Variants in CDC42 observed in about 807,000 individuals in gnomAD.
CDC42 encodes the protein cell division cycle 42.
CDC42 carries 1 observed loss-of-function variant against 20.8 expected under a neutral mutation model. The ratio of observed to expected loss-of-function variants is 0.05; its 90% CI spans 0.02 to 0.23. The LOEUF (loss-of-function observed/expected upper bound fraction) is 0.23. CDC42 is among the 10% of genes least tolerant of loss of function. CDC42 has a pLI of 1.00. For missense variants in CDC42, 49 were observed against 227.9 expected (o/e 0.21, Z 5.05); for synonymous variants, 72 against 84.8 (o/e 0.85, Z 0.83).
At chr1:22,077,221 G>A (rs16826458) in intron 1 of CDC42, among the ~76,000 whole-genome samples, 4,438 of 152,170 alleles carry the variant, frequency 0.029, 105 homozygotes, top group African/African-American at 0.062. Context: ...TTTCATGTGA[G>A]TTACTCACAC....
At chr1:22,076,745 G>T (rs1392956999) in intron 1 of CDC42, among the ~76,000 whole-genome samples, 1 of 152,116 alleles carries the variant, frequency 6.6e-6, no homozygotes, top group Non-Finnish European at 1.5e-5. Context: ...TAGGGATCAG[G>T]GTTGTTAATC....
intron 5 of CDC42, 56 bp from the exon 6 acceptor site, chr1:22,091,372 C>T: frequency 8.7e-7 from 1 of 1,149,158 alleles, no homozygotes; most frequent in Non-Finnish European, 1.3e-6. Context: ...ATTTGAACTC[C>T]AACTTTATTA....
At chr1:22,089,797 G>A in intron 5 of CDC42, 2 of 761,356 alleles carry the variant, frequency 2.6e-6, no homozygotes, top group Non-Finnish European at 4.0e-6. Flanking sequence ...GTTATAATGG[G>A]CTTAAGATCT....
intron 3 of CDC42, among the ~76,000 whole-genome samples, chr1:22,082,875 A>ATTTTTTTTTTTTTTTTTTTTTTT (rs3036839): frequency 1.3e-4 from 18 of 140,212 alleles, no homozygotes; most frequent in Non-Finnish European, 1.1e-4. Context: ...CACAGAGAAA[A>ATTTTTTTTTTTTTTTTTTTTTTT]TTTTTATTTT....
chr1:22,091,169 A>G (rs1298172534), intron 5 of CDC42, among the ~76,000 whole-genome samples: 1 of 152,196 alleles, frequency 6.6e-6, no homozygotes, highest in Non-Finnish European at 1.5e-5. Flanking sequence ...TTCTTGTGAC[A>G]TACATTGGTC....
chr1:22,061,528 C>T (rs1449684200), intron 1 of CDC42, among the ~76,000 whole-genome samples: 6 of 86,300 alleles, frequency 7.0e-5, no homozygotes, highest in Admixed American at 1.4e-4. Flanking sequence ...CTTCATGTTT[C>T]TTTCTTTTTT....
rs1645779845 is a variant in CDC42, at chr1:22,099,983, T to C, written c.*8466T>C. Reference sequence around the variant, plus strand: ...GATTTGAATTTAAGCAGTCTGTCTCTAGAGTCTGCTCAGCTGGCCTTTTTT... The same window carrying C: ...GATTTGAATTTAAGCAGTCTGTCTCCAGAGTCTGCTCAGCTGGCCTTTTTT... On this transcript the variant is annotated 3_prime_UTR_variant, in exon 6 of 6. Coordinates refer to ENST00000656825, the MANE Select transcript of CDC42 (RefSeq NM_001791.4). Among the ~76,000 whole-genome samples the C allele has an allele frequency of 6.6e-6, 1 of 151,988 alleles. No individual in the cohort carries two copies. The highest frequency in any genetic ancestry group is 1.5e-5 in the Non-Finnish European group (1 of 67,998).
chr1:22,053,724 CA>C (rs1172356209), intron 1 of CDC42, among the ~76,000 whole-genome samples: 1 of 152,180 alleles, frequency 6.6e-6, no homozygotes, highest in Non-Finnish European at 1.5e-5. Context: ...GTCGGTCACC[CA>C]GTGGCTTATC....
chr1:22,091,791 G>GTTTTTTTTTTTTTTTTTTTTTT lies in CDC42; in HGVS notation c.*275_*276insTTTTTTTTTTTTTTTTTTTTTT, dbSNP rs150558595. The GTTTTTTTTTTTTTTTTTTTTTT allele has an allele frequency of 1.3e-5, 1 of 77,876 alleles. No individual in the cohort carries two copies. Among genetic ancestry groups the GTTTTTTTTTTTTTTTTTTTTTT allele is most frequent in the Non-Finnish European group, 2.2e-5 (1 of 45,188 alleles). The allele number at this position is 77,876 out of a possible 1,614,324, so 4.8% of individuals were successfully genotyped here. On this transcript the variant is annotated 3_prime_UTR_variant, in exon 6 of 6. Transcript: ENST00000656825. ...TCAAAAAAAAAATTTTTGTGTGTGTGTGTTTTTTTTTTTTTTTTTTTTGTT... is the reference window on the plus strand; with the variant it reads ...TCAAAAAAAAAATTTTTGTGTGTGTGTTTTTTTTTTTTTTTTTTTTTTTGTTTTTTTTTTTTTTTTTTTTGTT...
At chr1:22,054,710 C>T (rs963113658) in intron 1 of CDC42, among the ~76,000 whole-genome samples, 1 of 151,550 alleles carries the variant, frequency 6.6e-6, no homozygotes, top group Non-Finnish European at 1.5e-5. Context: ...GCATTACAGA[C>T]CATTGGATAG....
Position 22,090,091 on chromosome 1 carries a change from G to A in CDC42, c.487-1337G>A, listed in dbSNP as rs555165468. The stretch of plus-strand genomic sequence containing the variant: ...CCTGTCCCACTACTGTAGAAAGATC[G>A]TTTAAAAACAAAGGAATAAAACCAT... On this transcript the variant is annotated intron_variant, in intron 5 of 5. Coordinates refer to ENST00000656825, the MANE Select transcript of CDC42 (RefSeq NM_001791.4). 24 of 1,583,320 alleles carry A rather than the reference G, an allele frequency of 1.5e-5. 1 individual carries two copies. The highest frequency in any genetic ancestry group is 1.7e-4 in the Middle Eastern group (1 of 5,994).
intron 3 of CDC42, among the ~76,000 whole-genome samples, chr1:22,084,861 T>C (rs1053841886): frequency 2.6e-5 from 4 of 152,136 alleles, no homozygotes; most frequent in African/African-American, 9.7e-5. Context: ...CTTTTGCTTG[T>C]GAATATGTCA....
At chr1:22,079,139 C>CTT (rs10609742) in intron 2 of CDC42, among the ~76,000 whole-genome samples, 5 of 116,730 alleles carry the variant, frequency 4.3e-5, no homozygotes, top group Admixed American at 8.9e-5. Flanking sequence ...TTCTTTTTTT[C>CTT]TTTTTTTTTT....
At chr1:22,087,774 C>A (rs1645675587) in intron 5 of CDC42, among the ~76,000 whole-genome samples, 1 of 151,976 alleles carries the variant, frequency 6.6e-6, no homozygotes, top group Non-Finnish European at 1.5e-5. Context: ...TCAGGTAATT[C>A]ATTCATTTTT....
rs1468150689 is a variant in CDC42, at chr1:22,101,241, G to A, written c.*9724G>A. On this transcript the variant is annotated 3_prime_UTR_variant, in exon 6 of 6. Transcript: ENST00000656825. ...ATGGTAGTAATAACACTGTTGGAAAGAGCTCTCAGTTGGAAGTTGAAGATC... is the reference window on the plus strand; with the variant it reads ...ATGGTAGTAATAACACTGTTGGAAAAAGCTCTCAGTTGGAAGTTGAAGATC... 1.3e-5 allele frequency: 2 copies of A among 152,190 alleles called. No homozygotes were observed. The highest frequency in any genetic ancestry group is 2.9e-5 in the Non-Finnish European group (2 of 68,042). 9.4% of individuals were successfully genotyped at this position (152,190 alleles called of 1,614,324 possible).
chr1:22,085,973 G>A (rs1645657986), intron 3 of CDC42, among the ~76,000 whole-genome samples: 1 of 152,130 alleles, frequency 6.6e-6, no homozygotes, highest in African/African-American at 2.4e-5. Flanking sequence ...AGCCTTCCAA[G>A]TAGCTGGGAT....
chr1:22,066,787 G>T (rs1379993333), intron 1 of CDC42, among the ~76,000 whole-genome samples: 1 of 152,142 alleles, frequency 6.6e-6, no homozygotes, highest in Non-Finnish European at 1.5e-5. Context: ...GGCATGGCCG[G>T]GTGCAGTGGC....
rs375663801 is a variant in CDC42, at chr1:22,079,224, C to T, written c.105+641C>T. Reference sequence around the variant, plus strand: ...CGCGATCTCGGCTTGCTGCACCCTCCGCCTCCCGGGTTCAAGCAGTTCTCC... The same window carrying T: ...CGCGATCTCGGCTTGCTGCACCCTCTGCCTCCCGGGTTCAAGCAGTTCTCC... On this transcript the variant is annotated intron_variant, in intron 2 of 5. Transcript: ENST00000656825. Among the ~76,000 whole-genome samples, 8 of 151,588 alleles carry T rather than the reference C, an allele frequency of 5.3e-5. No individual in the cohort carries two copies. In the East Asian group the frequency reaches 7.8e-4, roughly 15 times the overall value.
At chr1:22,072,035 T>C (rs183455197) in intron 1 of CDC42, among the ~76,000 whole-genome samples, 162 of 151,850 alleles carry the variant, frequency 1.1e-3, no homozygotes, top group African/African-American at 3.8e-3. Context: ...TGGCCCTTCT[T>C]AGGTTTGATT....
Sources: allele counts gnomAD v4.1 joint callset (sites outside exome capture counted in the v4.1 genomes callset), GRCh38; gene constraint gnomAD v4.1.1; transcripts MANE v1.5; gene names NCBI Gene and HGNC (gene_info 2026-07-23, HGNC 2026-07-21).